Variants in EFEMP1 observed in about 807,000 individuals in gnomAD.
EFEMP1 encodes the protein EGF-containing fibulin-like extracellular matrix protein 1.
A neutral mutation model predicts 65.7 loss-of-function variants in EFEMP1; 18 were observed. That is an observed-to-expected ratio of 0.27 (90% CI 0.19 to 0.41). EFEMP1 has a LOEUF of 0.41. EFEMP1 is among the 10% of genes least tolerant of loss of function. EFEMP1 has a pLI of 1.00. For synonymous variants in EFEMP1, 237 were observed against 219.7 expected, an observed-to-expected ratio of 1.08 and a Z score of -0.70; for missense variants, 469 against 624.8, an observed-to-expected ratio of 0.75 and a Z score of 2.66.
chr2:55,884,882 C>T (rs1669369712), intron 5 of EFEMP1, among the ~76,000 whole-genome samples: 1 of 152,022 alleles, frequency 6.6e-6, no homozygotes, highest in African/African-American at 2.4e-5. Context: ...TTCCCAGTGC[C>T]TAGGATAGTG....
intron 5 of EFEMP1, among the ~76,000 whole-genome samples, chr2:55,884,838 G>T (rs559198742): frequency 6.6e-6 from 1 of 152,152 alleles, no homozygotes; most frequent in African/African-American, 2.4e-5. Flanking sequence ...TTTGGGTGGG[G>T]ATGGGGGATC....
At position 55,886,301 on chromosome 2, in the gene EFEMP1, C is replaced by CT. The variant is rs1034645952; in HGVS notation, c.518-4568dup. 6.6e-6 allele frequency among the ~76,000 whole-genome samples: 1 copy of CT among 152,230 alleles called. No individual in the cohort carries two copies. Among genetic ancestry groups the CT allele is most frequent in the African/African-American group, 2.4e-5 (1 of 41,554 alleles). ...AAGTATTCAGATTCTTCACAATATA[C>CT]TTTTTTTGTTTCCAGACTGTAAACC... On this transcript the variant is annotated intron_variant, in intron 5 of 11. Transcript: ENST00000355426. This position sits in a 1 kb window ranked among gnomAD's most constrained non-coding sequence, Gnocchi z 4.0.
Position 55,877,577 on chromosome 2 carries a change from T to G in EFEMP1, c.760+169A>C, listed in dbSNP as rs902135618. Among the ~76,000 whole-genome samples the G allele has an allele frequency of 3.3e-5, 5 of 152,202 alleles. No individual in the cohort carries two copies. Among genetic ancestry groups the G allele is most frequent in the African/African-American group, 1.2e-4 (5 of 41,450 alleles). On this transcript the variant is annotated intron_variant, in intron 7 of 11. Coordinates refer to ENST00000355426, the MANE Select transcript of EFEMP1 (RefSeq NM_001039348.3). The surrounding 1 kb of genome is among the most constrained non-coding windows in gnomAD (Gnocchi z 4.5). ...GTTAAAAAGTTTTCTGTTCACATCT[T>G]GATGTGTTTTAAGACACAGATTGGT... is the stretch of plus-strand genomic sequence containing the variant.
chr2:55,918,941 G>A (rs1214370868), intron 3 of EFEMP1, among the ~76,000 whole-genome samples: 5 of 152,198 alleles, frequency 3.3e-5, no homozygotes. Context: ...GACCAGAAGA[G>A]GAGACAGATA....
intron 6 of EFEMP1, among the ~76,000 whole-genome samples, chr2:55,880,577 G>T (rs749210918): frequency 7.9e-5 from 12 of 152,220 alleles, no homozygotes; most frequent in Non-Finnish European, 1.6e-4. Context: ...ATGGAACTCA[G>T]TGTTGACATG....
In EFEMP1 at chr2:55,885,369, T is replaced by C. The variant is rs938848196; in HGVS notation, c.518-3635A>G. 1.3e-5 allele frequency among the ~76,000 whole-genome samples: 2 copies of C among 152,304 alleles called. No homozygotes were observed. The highest frequency in any genetic ancestry group is 4.8e-5 in the African/African-American group (2 of 41,570). ...TGCAGTGCCTGGTTGAAGAGGATCA[T>C]GAAATGCTAGATCTGTCGTGAACAA... On this transcript the variant is annotated intron_variant, in intron 5 of 11. Transcript: ENST00000355426. This position sits in a 1 kb window ranked among gnomAD's most constrained non-coding sequence, Gnocchi z 4.3.
chr2:55,882,882 A>T (rs1297029636), intron 5 of EFEMP1, among the ~76,000 whole-genome samples: 1 of 152,116 alleles, frequency 6.6e-6, no homozygotes, highest in East Asian at 1.9e-4. Flanking sequence ...TGGAAGAAAA[A>T]GTAGGGAAAG....
rs184589263 is a variant in EFEMP1, at chr2:55,919,045, A to T, written c.82-778T>A. Among the ~76,000 whole-genome samples, 67 of 152,368 alleles carry T rather than the reference A, an allele frequency of 4.4e-4. No individual in the cohort carries two copies. Among genetic ancestry groups the T allele is most frequent in the African/African-American group, 1.6e-3 (65 of 41,588 alleles). On this transcript the variant is annotated intron_variant, in intron 3 of 11. Transcript: ENST00000355426. The surrounding 1 kb of genome is among the most constrained non-coding windows in gnomAD (Gnocchi z 4.5). Reference sequence around the variant, plus strand: ...GCCCGGGGGCATGGGTGAGCATGGCAGGGCAGAAGGGAAGACTTGACAGAG... The same window carrying T: ...GCCCGGGGGCATGGGTGAGCATGGCTGGGCAGAAGGGAAGACTTGACAGAG...
chr2:55,900,661 CTCTATTTT>C (rs1009653630), intron 5 of EFEMP1, among the ~76,000 whole-genome samples: 3 of 84,370 alleles, frequency 3.6e-5, no homozygotes, highest in African/African-American at 3.0e-4. Context: ...TTAGCCTTTT[CTCTATTTT>C]TCTCTCTGGT....
At position 55,917,564 on chromosome 2, in the gene EFEMP1, T is replaced by C; in HGVS notation, c.517+101A>G. The C allele has an allele frequency of 6.9e-7, 1 of 1,446,750 alleles. No individual in the cohort carries two copies. The highest frequency in any genetic ancestry group is 9.7e-7 in the Non-Finnish European group (1 of 1,028,378). 89.6% of individuals were successfully genotyped at this position (1,446,750 alleles called of 1,614,324 possible). ...AATGCAGACAAAGCACTTAGCATGA[T>C]GTCTGGCACGCGAGAAGTCCTTAAT... On this transcript the variant is annotated intron_variant, in intron 5 of 11. Transcript: ENST00000355426. This position sits in a 1 kb window ranked among gnomAD's most constrained non-coding sequence, Gnocchi z 6.3.
chr2:55,903,360 C>G (rs1248864313), intron 5 of EFEMP1, among the ~76,000 whole-genome samples: 1 of 152,142 alleles, frequency 6.6e-6, no homozygotes, highest in Non-Finnish European at 1.5e-5. Flanking sequence ...TGACTCTATC[C>G]AGATTATACC....
At chr2:55,879,119 G>A (rs973809866) in intron 6 of EFEMP1, among the ~76,000 whole-genome samples, 10 of 151,982 alleles carry the variant, frequency 6.6e-5, no homozygotes, top group Admixed American at 2.0e-4. Context: ...AACAGTACTC[G>A]ACATTGTGTT....
At position 55,923,682 on chromosome 2, in the gene EFEMP1, C is replaced by T. The variant is rs1302481486; in HGVS notation, c.-49+29G>A. ...CGGCCCAGTGAGTACTGGGCTCGCT[C>T]GGGGCGACCCCCCGTTGGGGGCTCC... On this transcript the variant is annotated intron_variant, in intron 1 of 11. Coordinates refer to ENST00000355426, the MANE Select transcript of EFEMP1 (RefSeq NM_001039348.3). The surrounding 1 kb of genome is among the most constrained non-coding windows in gnomAD (Gnocchi z 5.3). The T allele has an allele frequency of 3.3e-5, 33 of 985,652 alleles. No individual in the cohort carries two copies. Among genetic ancestry groups the T allele is most frequent in the Non-Finnish European group, 4.0e-5 (33 of 830,326 alleles). 61.1% of individuals were successfully genotyped at this position (985,652 alleles called of 1,614,324 possible).
In EFEMP1 at chr2:55,921,487, A is replaced by G. The variant is rs532533024; in HGVS notation, c.81+873T>C. Among the ~76,000 whole-genome samples, 16 of 152,350 alleles carry G rather than the reference A, an allele frequency of 1.1e-4. No individual in the cohort carries two copies. In the South Asian group the frequency reaches 2.7e-3, roughly 26 times the overall value. ...GATTACTTAATTTTAAACTGGGAGC[A>G]GTAGAAAAATGTGCTTTTCATATTC... On this transcript the variant is annotated intron_variant, in intron 3 of 11. Coordinates refer to ENST00000355426, the MANE Select transcript of EFEMP1 (RefSeq NM_001039348.3). The surrounding 1 kb of genome is among the most constrained non-coding windows in gnomAD (Gnocchi z 4.1).
In EFEMP1 at chr2:55,867,135, C is replaced by G. The variant is rs200959130; in HGVS notation, c.1420G>C (p.Gly474Arg). The change falls in exon 12 of 12, where the codon GGG (glycine) becomes CGG (arginine). Residue 474 changes from glycine (G) to arginine (R), a missense_variant. Coordinates refer to ENST00000355426, the MANE Select transcript of EFEMP1 (RefSeq NM_001039348.3). The surrounding 1 kb of genome is among the most constrained non-coding windows in gnomAD (Gnocchi z 4.3). ...AACACAGAGCTTGTGCGGAAGGTCC[C>G]TATACTGCTGACTGTCAGCATCTCC... ...DLEMLTVSSI[G>R]TFRTSSVLRL... is the part of the protein sequence containing the mutation. 223 of 1,613,758 alleles carry G rather than the reference C, an allele frequency of 1.4e-4. No homozygotes were observed. Among genetic ancestry groups the G allele is most frequent in the Middle Eastern group, 6.8e-4 (4 of 5,916 alleles).
chr2:55,917,932 G>A lies in EFEMP1; in HGVS notation c.250C>T (p.Pro84Ser), dbSNP rs770207315. The A allele has an allele frequency of 1.2e-6, 2 of 1,614,202 alleles. No homozygotes were observed. The highest frequency in any genetic ancestry group is 1.7e-6 in the Non-Finnish European group (2 of 1,180,052). ...TCTGCTGGTTGTGTTTCCTGCTGAG[G>A]CTGTTCATTATTGACAATAATCTGG... ...TAQIIVNNEQ[P>S]QQETQPAEGT... Residue 84 changes from proline (P) to serine (S), a missense_variant, in exon 5 of 12, where the codon CCT becomes TCT. By Grantham distance (74) the Pro-to-Ser change is moderately conservative. Transcript: ENST00000355426. The surrounding 1 kb of genome is among the most constrained non-coding windows in gnomAD (Gnocchi z 6.3).
At chr2:55,888,504 A>AT (rs111629520) in intron 5 of EFEMP1, among the ~76,000 whole-genome samples, 154 of 151,706 alleles carry the variant, frequency 1.0e-3, no homozygotes, top group Admixed American at 3.3e-3. Context: ...TGCCTGGCTA[A>AT]TTTTTTGTAT....
chr2:55,874,980 C>G lies in EFEMP1; in HGVS notation c.966G>C (p.Gln322His), dbSNP rs745988780. 2 of 1,608,874 alleles carry G rather than the reference C, an allele frequency of 1.2e-6. No individual in the cohort carries two copies. Among genetic ancestry groups the G allele is most frequent in the African/African-American group, 1.3e-5 (1 of 74,510 alleles). Residue 322 changes from glutamine (Q) to histidine (H), a missense_variant, in exon 9 of 12, where the codon CAG becomes CAC. Gln to His is a conservative substitution (Grantham distance 24). Transcript: ENST00000355426. The stretch of plus-strand genomic sequence containing the variant: ...TTCTACTTCTCACCACTTGGTATCC[C>G]TGGGGGCACATACATGAGAATTTCC... ...EPGKFSCMCPQGYQVVRSRTC... is the reference protein window; with the variant it reads ...EPGKFSCMCPHGYQVVRSRTC...
In EFEMP1 at chr2:55,866,681, T is replaced by G. The variant is rs1295661553; in HGVS notation, c.*392A>C. ...GCAGTTAAAAACTCATTCTTACCCT[T>G]GCATGCTATTCAATGGTTATGATGG... On this transcript the variant is annotated 3_prime_UTR_variant, in exon 12 of 12. Coordinates refer to ENST00000355426, the MANE Select transcript of EFEMP1 (RefSeq NM_001039348.3). The G allele has an allele frequency of 1.2e-5, 2 of 173,284 alleles. No homozygotes were observed. Among genetic ancestry groups the G allele is most frequent in the Admixed American group, 1.2e-4 (2 of 17,176 alleles). 10.7% of individuals were successfully genotyped at this position (173,284 alleles called of 1,614,324 possible).
Sources: allele counts gnomAD v4.1 joint callset (sites outside exome capture counted in the v4.1 genomes callset), GRCh38; gene constraint gnomAD v4.1.1; non-coding constraint Gnocchi (gnomAD v3.1); transcripts MANE v1.5; gene names NCBI Gene and HGNC (gene_info 2026-07-23, HGNC 2026-07-21).